Variants in PRR16 observed in about 807,000 individuals in gnomAD.
The protein encoded by PRR16 is protein Largen.
In PRR16, 6 loss-of-function variants were observed where a neutral mutation model predicts 18.2. The ratio of observed to expected loss-of-function variants is 0.33; its 90% CI spans 0.18 to 0.65. The LOEUF (loss-of-function observed/expected upper bound fraction) is 0.65. Among genes scored for constraint, PRR16 ranks in the 30% least tolerant of loss-of-function variants. PRR16 has a pLI of 0.74. For synonymous variants in PRR16, 151 were observed against 147.8 expected (o/e 1.02, Z -0.16); for missense variants, 412 against 376.6 (o/e 1.09, Z -0.78).
intron 1 of PRR16, among the ~76,000 whole-genome samples, chr5:120,678,730 A>C (rs563723597): frequency 6.6e-6 from 1 of 152,280 alleles, no homozygotes; most frequent in South Asian, 2.1e-4. Flanking sequence ...TATCATCTGC[A>C]AATAAAGATA....
At chr5:120,791,557 A>T in the PRR16 span, among the ~76,000 whole-genome samples, 1 of 151,774 alleles carries the variant, frequency 6.6e-6, no homozygotes, top group Non-Finnish European at 1.5e-5. Flanking sequence ...CATTATTGTT[A>T]TCCAGAAGTC....
the PRR16 span, among the ~76,000 whole-genome samples, chr5:120,696,525 TTTA>T: frequency 6.6e-6 from 1 of 152,250 alleles, no homozygotes; most frequent in Non-Finnish European, 1.5e-5. Flanking sequence ...ATTCCTTCAC[TTTA>T]TTGACCTCTT....
intron 1 of PRR16, among the ~76,000 whole-genome samples, chr5:120,681,221 C>A (rs977261839): frequency 6.6e-6 from 1 of 151,910 alleles, no homozygotes; most frequent in African/African-American, 2.4e-5. Flanking sequence ...TTTAAGATTT[C>A]TTATTTTCTG....
At chr5:120,708,441 G>C in the PRR16 span, among the ~76,000 whole-genome samples, 35 of 152,232 alleles carry the variant, frequency 2.3e-4, no homozygotes, top group African/African-American at 8.4e-4. Flanking sequence ...ATGAGCTCCT[G>C]GTTGAATTTT....
intron 1 of PRR16, among the ~76,000 whole-genome samples, chr5:120,524,267 C>G (rs535006063): frequency 2.0e-5 from 3 of 152,106 alleles, no homozygotes; most frequent in Non-Finnish European, 4.4e-5. Flanking sequence ...GTACCAAAGT[C>G]TAGAGTTGTA....
chr5:120,514,933 C>T (rs1750940040), intron 1 of PRR16, among the ~76,000 whole-genome samples: 1 of 152,174 alleles, frequency 6.6e-6, no homozygotes, highest in Non-Finnish European at 1.5e-5. Flanking sequence ...TCCAAATCTG[C>T]TTCCACACTT....
chr5:120,487,554 C>T (rs12153522), intron 1 of PRR16, among the ~76,000 whole-genome samples: 108,193 of 151,718 alleles, frequency 0.71, 39,768 homozygotes, highest in East Asian at 0.96. Context: ...TGGGCTGAGA[C>T]GATGGGGTTT....
At chr5:120,539,042 G>C (rs1751823029) in intron 1 of PRR16, among the ~76,000 whole-genome samples, 1 of 152,120 alleles carries the variant, frequency 6.6e-6, no homozygotes. Context: ...AGGTACTTGG[G>C]CTCCTGAGAA....
the PRR16 span, among the ~76,000 whole-genome samples, chr5:120,727,517 T>C: frequency 6.6e-6 from 1 of 152,126 alleles, no homozygotes; most frequent in Non-Finnish European, 1.5e-5. Context: ...TTCACCGACA[T>C]CACCCAGCAG....
intron 1 of PRR16, among the ~76,000 whole-genome samples, chr5:120,574,774 C>G (rs901300548): frequency 6.7e-6 from 1 of 149,062 alleles, no homozygotes; most frequent in Non-Finnish European, 1.5e-5. Context: ...CTTGCAGCAA[C>G]AAGAACTCTC....
intron 1 of PRR16, among the ~76,000 whole-genome samples, chr5:120,632,822 G>A (rs1201013471): frequency 1.3e-5 from 2 of 152,148 alleles, no homozygotes; most frequent in African/African-American, 4.8e-5. Flanking sequence ...GAATAATTGA[G>A]AAACACTTTC....
rs188320493 is a variant in PRR16, at chr5:120,533,058, T to C, written c.159+68413T>C. On this transcript the variant is annotated intron_variant, in intron 1 of 1. Transcript: ENST00000407149. ...CCTTCATCTCTGGCTGTTTCCACCT[T>C]GTGGGGGCTACGGCAACTGCACTCT... is the stretch of plus-strand genomic sequence containing the variant. Among the ~76,000 whole-genome samples the C allele has an allele frequency of 1.0e-3, 159 of 152,270 alleles. 2 individuals are homozygous for C. Among genetic ancestry groups the C allele is most frequent in the East Asian group, 7.7e-4 (4 of 5,180 alleles).
At chr5:120,632,787 A>G (rs1755101092) in intron 1 of PRR16, among the ~76,000 whole-genome samples, 1 of 152,232 alleles carries the variant, frequency 6.6e-6, no homozygotes, top group South Asian at 2.1e-4. Context: ...AGAGAAATCT[A>G]AAAGTTTGGA....
the PRR16 span, among the ~76,000 whole-genome samples, chr5:120,725,550 G>C: frequency 6.6e-6 from 1 of 151,888 alleles, no homozygotes; most frequent in Non-Finnish European, 1.5e-5. Flanking sequence ...GGTGTCATGT[G>C]CCTTTAACCC....
chr5:120,669,045 G>A (rs1756497795), intron 1 of PRR16, among the ~76,000 whole-genome samples: 1 of 152,146 alleles, frequency 6.6e-6, no homozygotes, highest in Non-Finnish European at 1.5e-5. Flanking sequence ...ATTTATCCAA[G>A]TGTTTTTTTC....
At chr5:120,538,537 T>C (rs1317692607) in intron 1 of PRR16, among the ~76,000 whole-genome samples, 1 of 152,262 alleles carries the variant, frequency 6.6e-6, no homozygotes. Context: ...GCTATTAAAA[T>C]GCCACTTTTA....
intron 1 of PRR16, among the ~76,000 whole-genome samples, chr5:120,589,462 C>A (rs1047092739): frequency 1.3e-5 from 2 of 152,094 alleles, no homozygotes; most frequent in African/African-American, 4.8e-5. Context: ...CCACTTCACA[C>A]ACAGGCTTAG....
At chr5:120,754,699 A>G in the PRR16 span, among the ~76,000 whole-genome samples, 16 of 142,612 alleles carry the variant, frequency 1.1e-4, no homozygotes, top group South Asian at 4.2e-4. Context: ...TCTTCCTGAT[A>G]TAACTAAAAC....
At chr5:120,614,100 T>A (rs531234877) in intron 1 of PRR16, among the ~76,000 whole-genome samples, 1 of 152,332 alleles carries the variant, frequency 6.6e-6, no homozygotes, top group South Asian at 2.1e-4. Context: ...ATCTGATGGC[T>A]TAATACAGAT....
Sources: allele counts gnomAD v4.1 joint callset (sites outside exome capture counted in the v4.1 genomes callset), GRCh38; gene constraint gnomAD v4.1.1; transcripts MANE v1.5; gene names NCBI Gene and HGNC (gene_info 2026-07-23, HGNC 2026-07-21).